RNF111: variants seen among roughly 807,000 people sequenced by gnomAD.
RNF111 encodes E3 ubiquitin-protein ligase Arkadia.
Under a neutral mutation model 95.1 loss-of-function variants are expected in RNF111, and 17 were observed. That is an observed-to-expected ratio of 0.18 (90% CI 0.12 to 0.27). The LOEUF is 0.27. Ranked by LOEUF, RNF111 falls within the 10% of genes least tolerant of loss-of-function variation. The pLI is 1.00. For missense variants in RNF111, 1,189 were observed against 1,210.4 expected (o/e 0.98, Z 0.26); for synonymous variants, 440 against 414.8 (o/e 1.06, Z -0.74).
intron 1 of RNF111, among the ~76,000 whole-genome samples, chr15:59,011,194 T>C (rs954418175): frequency 9.9e-5 from 15 of 152,236 alleles, no homozygotes; most frequent in Admixed American, 3.3e-4. Flanking sequence ...CGAATTTCAC[T>C]GTCTTATCCT....
rs1436840599 is a variant in RNF111, at chr15:59,014,813, T to A, written c.-19-15991T>A. On this transcript the variant is annotated intron_variant, in intron 1 of 13. Transcript: ENST00000348370. ...CCTCTATGGACCACCTGGAGTGCAG[T>A]GGCACCATCACGGCTCACTGCAGTC... 2.0e-5 allele frequency among the ~76,000 whole-genome samples: 3 copies of A among 151,850 alleles called. No individual in the cohort carries two copies. In the East Asian group the frequency reaches 5.8e-4, roughly 29 times the overall value.
intron 1 of RNF111, among the ~76,000 whole-genome samples, chr15:59,003,392 G>A (rs899070968): frequency 6.7e-6 from 1 of 149,814 alleles, no homozygotes; most frequent in Non-Finnish European, 1.5e-5. Context: ...GGTGTGAGCC[G>A]CCACACCCGG....
intron 1 of RNF111, among the ~76,000 whole-genome samples, chr15:59,005,321 T>G (rs2039493635): frequency 1.5e-5 from 2 of 132,688 alleles, no homozygotes; most frequent in African/African-American, 5.2e-5. Context: ...ACCCAGCCTC[T>G]AGAACATAGG....
At chr15:59,044,573 T>C (rs1190655936) in intron 2 of RNF111, among the ~76,000 whole-genome samples, 1 of 152,176 alleles carries the variant, frequency 6.6e-6, no homozygotes, top group Admixed American at 6.5e-5. Context: ...AGAAATATGT[T>C]ATTTTTCTCA....
chr15:58,998,762 C>T (rs2039196982), intron 1 of RNF111, among the ~76,000 whole-genome samples: 2 of 152,194 alleles, frequency 1.3e-5, no homozygotes, highest in South Asian at 2.1e-4. Context: ...CTATCAGTCA[C>T]TGTAATTTTG....
intron 1 of RNF111, among the ~76,000 whole-genome samples, chr15:59,012,003 C>CTTTTTTTT (rs71425836): frequency 0.032 from 1,295 of 40,496 alleles, 309 homozygotes; most frequent in East Asian, 0.061. Flanking sequence ...GTTTGTTTGC[C>CTTTTTTTT]TTTTTTTTTT....
intron 1 of RNF111, among the ~76,000 whole-genome samples, chr15:58,996,649 CTTTTTTTTTTTTTTT>C (rs60350601): frequency 8.9e-5 from 9 of 100,772 alleles, no homozygotes; most frequent in East Asian, 5.2e-4. Flanking sequence ...TCAGTACTTT[CTTTTTTTTTTTTTTT>C]TTTTTTTTTT....
chr15:59,020,138 A>G (rs772642255), intron 1 of RNF111, among the ~76,000 whole-genome samples: 15 of 148,508 alleles, frequency 1.0e-4, no homozygotes, highest in African/African-American at 7.4e-5. Context: ...CATATTTTAT[A>G]TATGTTAGAT....
intron 4 of RNF111, among the ~76,000 whole-genome samples, chr15:59,056,865 C>A (rs1246731963): frequency 6.6e-6 from 1 of 152,112 alleles, no homozygotes; most frequent in Non-Finnish European, 1.5e-5. Flanking sequence ...TCCGATGTGA[C>A]ACCTGCTAGC....
At chr15:59,020,225 GATA>G (rs1485292169) in intron 1 of RNF111, among the ~76,000 whole-genome samples, 2 of 149,274 alleles carry the variant, frequency 1.3e-5, no homozygotes, top group African/African-American at 2.4e-5. Flanking sequence ...ATACAATAAA[GATA>G]ATATGTATAT....
chr15:59,065,697 G>A (rs1426838712), intron 5 of RNF111, among the ~76,000 whole-genome samples: 1 of 152,092 alleles, frequency 6.6e-6, no homozygotes, highest in Non-Finnish European at 1.5e-5. Context: ...TCTGACTGTA[G>A]AGTCCAAAGG....
At chr15:59,027,426 T>G (rs1295381414) in intron 1 of RNF111, among the ~76,000 whole-genome samples, 2 of 152,198 alleles carry the variant, frequency 1.3e-5, no homozygotes, top group African/African-American at 4.8e-5. Context: ...TGAGATTTTA[T>G]TTCACTGGGT....
At chr15:59,023,790 T>C (rs918363087) in intron 1 of RNF111, among the ~76,000 whole-genome samples, 4 of 152,216 alleles carry the variant, frequency 2.6e-5, no homozygotes, top group Non-Finnish European at 5.9e-5. Context: ...CATCAGTTTT[T>C]TTCCCCCTGA....
chr15:59,005,430 T>A (rs550376143), intron 1 of RNF111, among the ~76,000 whole-genome samples: 4 of 152,362 alleles, frequency 2.6e-5, no homozygotes, highest in African/African-American at 9.6e-5. Context: ...TGGACTTCAT[T>A]CAAAGAGAAA....
intron 2 of RNF111, among the ~76,000 whole-genome samples, chr15:59,051,077 C>G (rs868593987): frequency 1.8e-4 from 28 of 152,166 alleles, no homozygotes; most frequent in African/African-American, 3.4e-4. Context: ...TGGACCAACT[C>G]TAATTTAATA....
intron 6 of RNF111, among the ~76,000 whole-genome samples, chr15:59,070,029 C>CCCCCCTTT (rs2042842652): frequency 8.8e-5 from 2 of 22,676 alleles, no homozygotes; most frequent in Non-Finnish European, 1.5e-4. Flanking sequence ...CCACCTCCTG[C>CCCCCCTTT]TTTTTTTTTT....
rs2079154699 is a variant in RNF111, at chr15:59,095,053, A to G, written c.*153A>G. On this transcript the variant is annotated 3_prime_UTR_variant, in exon 14 of 14. Transcript: ENST00000348370. ...ATGGTACAACTAATGCTAGACCTACAGTTTATGTATACAGTTGATTTTGAT... is the reference window on the plus strand; with the variant it reads ...ATGGTACAACTAATGCTAGACCTACGGTTTATGTATACAGTTGATTTTGAT... 2 of 674,836 alleles carry G rather than the reference A, an allele frequency of 3.0e-6. No homozygotes were observed. Among genetic ancestry groups the G allele is most frequent in the Non-Finnish European group, 2.7e-6 (1 of 376,204 alleles). The allele number at this position is 674,836 out of a possible 1,614,324, so 41.8% of individuals were successfully genotyped here.
At chr15:59,002,784 A>G (rs2039380389) in intron 1 of RNF111, among the ~76,000 whole-genome samples, 1 of 151,548 alleles carries the variant, frequency 6.6e-6, no homozygotes, top group Non-Finnish European at 1.5e-5. Context: ...CTTTCCTTCC[A>G]CTTCCCTTCT....
intron 1 of RNF111, among the ~76,000 whole-genome samples, chr15:59,005,224 C>T (rs1424804554): frequency 1.3e-5 from 2 of 152,134 alleles, no homozygotes; most frequent in African/African-American, 4.8e-5. Flanking sequence ...GACAGTCTCA[C>T]CTATGTTGCC....
Sources: allele counts gnomAD v4.1 joint callset (sites outside exome capture counted in the v4.1 genomes callset), GRCh38; gene constraint gnomAD v4.1.1; transcripts MANE v1.5; gene names NCBI Gene and HGNC (gene_info 2026-07-23, HGNC 2026-07-21).